JAKMIP1: variants seen among roughly 807,000 people sequenced by gnomAD.
The protein encoded by JAKMIP1 is janus kinase and microtubule interacting protein 1, also known as janus kinase and microtubule-interacting protein 1.
In JAKMIP1, 33 loss-of-function variants were observed where a neutral mutation model predicts 113.0. The observed-to-expected ratio is 0.29, with a 90% CI of 0.22 to 0.39. JAKMIP1 has a LOEUF of 0.39. Among genes scored for constraint, JAKMIP1 ranks in the 10% least tolerant of loss-of-function variants. The pLI is 1.00. For missense variants in JAKMIP1, 813 were observed against 1,080.5 expected (o/e 0.75, Z 3.47); for synonymous variants, 480 against 459.9 (o/e 1.04, Z -0.56).
intron 12 of JAKMIP1, 110 bp from the exon 13 acceptor site, chr4:6,054,258 G>A: frequency 9.5e-7 from 1 of 1,052,490 alleles, no homozygotes; most frequent in Non-Finnish European, 1.4e-6. Flanking sequence ...TGGCCACGGA[G>A]GCAAGGGGCA....
At chr4:6,045,050 C>A (rs978706505) in intron 16 of JAKMIP1, among the ~76,000 whole-genome samples, 1 of 152,266 alleles carries the variant, frequency 6.6e-6, no homozygotes, top group Admixed American at 6.5e-5. Context: ...CCTCCCAGGG[C>A]CCCTCAGGTG....
chr4:6,081,841 C>A lies in JAKMIP1; in HGVS notation c.955-86G>T. On this transcript the variant is annotated intron_variant, in intron 5 of 20. Transcript: ENST00000409021. The surrounding 1 kb of genome is among the most constrained non-coding windows in gnomAD (Gnocchi z 4.6). The stretch of plus-strand genomic sequence containing the variant: ...GCACCGAGGTGAGCAGAGACTCAAC[C>A]CAGTTAGGACCCCTTCTGAGGCCAG... The A allele has an allele frequency of 6.8e-7, 1 of 1,477,740 alleles. No individual in the cohort carries two copies. Among genetic ancestry groups the A allele is most frequent in the Non-Finnish European group, 9.3e-7 (1 of 1,073,960 alleles). 91.5% of individuals were successfully genotyped at this position (1,477,740 alleles called of 1,614,324 possible). A position where few individuals can be genotyped will look rare whatever the true frequency, so the allele number is the denominator to read the frequency against.
In JAKMIP1 at chr4:6,167,556, T is replaced by G. The variant is rs1456398512; in HGVS notation, c.-148+32697A>C. 2.6e-5 allele frequency among the ~76,000 whole-genome samples: 4 copies of G among 152,240 alleles called. No individual in the cohort carries two copies. The highest frequency in any genetic ancestry group is 5.9e-5 in the Non-Finnish European group (4 of 68,046). ...TTTGAAGGGCCCATGCTTAGTGCTC[T>G]TCTGATGCCATCTTGAAATTCTTAA... On this transcript the variant is annotated intron_variant, in intron 1 of 20. Coordinates refer to ENST00000409021, the MANE Select transcript of JAKMIP1 (RefSeq NM_001099433.2). The surrounding 1 kb of genome is among the most constrained non-coding windows in gnomAD (Gnocchi z 5.3).
rs1232375634 is a variant in JAKMIP1 at position 6,075,328 on chromosome 4, GGTA to G, written c.1302+3608_1302+3610del. Among the ~76,000 whole-genome samples, 20 of 152,218 alleles carry G rather than the reference GGTA, an allele frequency of 1.3e-4. No individual in the cohort carries two copies. In the East Asian group the frequency reaches 3.7e-3, roughly 28 times the overall value. On this transcript the variant is annotated intron_variant, in intron 8 of 20. Transcript: ENST00000409021. The stretch of plus-strand genomic sequence containing the variant: ...AGTGTACTGAATGCCTGTGGCCTGT[GGTA>G]GAGAAGAAAGAGAAGCTTCTTAGGC...
rs1170493382 is a variant in JAKMIP1, at chr4:6,140,807, G to A, written c.-147-27810C>T. The stretch of plus-strand genomic sequence containing the variant: ...GAAAGATGCAATTAAGTAGGCAATT[G>A]TAATAAAGAAAATTACTGACCTCAG... On this transcript the variant is annotated intron_variant, in intron 1 of 20. Coordinates refer to ENST00000409021, the MANE Select transcript of JAKMIP1 (RefSeq NM_001099433.2). This position sits in a 1 kb window ranked among gnomAD's most constrained non-coding sequence, Gnocchi z 9.4. Among the ~76,000 whole-genome samples, 1 of 152,182 alleles carries A rather than the reference G, an allele frequency of 6.6e-6. No homozygotes were observed. Among genetic ancestry groups the A allele is most frequent in the African/African-American group, 2.4e-5 (1 of 41,416 alleles).
chr4:6,027,611 T>A (rs1343500697), intron 20 of JAKMIP1, among the ~76,000 whole-genome samples: 3 of 152,198 alleles, frequency 2.0e-5, no homozygotes, highest in Non-Finnish European at 4.4e-5. Flanking sequence ...ACAGGCCTCG[T>A]CAGGCATCCA....
rs1720298081 is a variant in JAKMIP1 at position 6,142,463 on chromosome 4, A to T, written c.-147-29466T>A. Among the ~76,000 whole-genome samples the T allele has an allele frequency of 6.6e-6, 1 of 152,260 alleles. No homozygotes were observed. Among genetic ancestry groups the T allele is most frequent in the Admixed American group, 6.5e-5 (1 of 15,288 alleles). The stretch of plus-strand genomic sequence containing the variant: ...AAGTCTTACATGAACTTGTCACATG[A>T]GAGAAGTCCTACGTACACTCAGCAA... On this transcript the variant is annotated intron_variant, in intron 1 of 20. Coordinates refer to ENST00000409021, the MANE Select transcript of JAKMIP1 (RefSeq NM_001099433.2). This position sits in a 1 kb window ranked among gnomAD's most constrained non-coding sequence, Gnocchi z 5.5.
chr4:6,162,588 G>C lies in JAKMIP1; in HGVS notation c.-148+37665C>G, dbSNP rs1723104137. On this transcript the variant is annotated intron_variant, in intron 1 of 20. Coordinates refer to ENST00000409021, the MANE Select transcript of JAKMIP1 (RefSeq NM_001099433.2). The surrounding 1 kb of genome is among the most constrained non-coding windows in gnomAD (Gnocchi z 5.6). ...CTTGCACAAGGCAGTCATGTCAACA[G>C]GGCAAAGGCACCATCTCGTTCAACC... Among the ~76,000 whole-genome samples the C allele has an allele frequency of 6.6e-6, 1 of 152,210 alleles. No individual in the cohort carries two copies. Among genetic ancestry groups the C allele is most frequent in the Non-Finnish European group, 1.5e-5 (1 of 68,032 alleles).
chr4:6,149,857 T>C (rs1171786530), intron 1 of JAKMIP1, among the ~76,000 whole-genome samples: 1 of 152,078 alleles, frequency 6.6e-6, no homozygotes, highest in Non-Finnish European at 1.5e-5. Context: ...GTCAAGATCC[T>C]AGAAGGCTGC....
At chr4:6,055,879 CAG>C (rs1475717847) in intron 12 of JAKMIP1, among the ~76,000 whole-genome samples, 5 of 146,558 alleles carry the variant, frequency 3.4e-5, no homozygotes, top group South Asian at 2.2e-4. Flanking sequence ...CTTATTTCTG[CAG>C]AGTGTCCCCA....
intron 13 of JAKMIP1, chr4:6,053,833 A>G: frequency 7.3e-7 from 1 of 1,376,044 alleles, no homozygotes; most frequent in Non-Finnish European, 9.4e-7. Flanking sequence ...ACATGTCCAT[A>G]GACTTGGGTG....
At chr4:6,189,604 G>T (rs1259329455) in intron 1 of JAKMIP1, among the ~76,000 whole-genome samples, 3 of 152,332 alleles carry the variant, frequency 2.0e-5, no homozygotes, top group Admixed American at 6.5e-5. Context: ...GGGAGTCCCA[G>T]TGTGAATCAG....
In JAKMIP1 at chr4:6,040,609, C is replaced by T. The variant is rs908560865; in HGVS notation, c.2175+30G>A. ...AGCCTCTAATGTGGAGTCTAAGAAG[C>T]CAAAGTGTCAAACCCACTTCTGGTC... On this transcript the variant is annotated intron_variant, in intron 18 of 20. Transcript: ENST00000409021. This position sits in a 1 kb window ranked among gnomAD's most constrained non-coding sequence, Gnocchi z 5.8. The T allele has an allele frequency of 6.4e-7, 1 of 1,562,010 alleles. No homozygotes were observed. Among genetic ancestry groups the T allele is most frequent in the South Asian group, 1.1e-5 (1 of 89,218 alleles).
intron 1 of JAKMIP1, among the ~76,000 whole-genome samples, chr4:6,169,502 C>A (rs779577279): frequency 3.3e-5 from 5 of 152,002 alleles, no homozygotes; most frequent in Non-Finnish European, 5.9e-5. Flanking sequence ...ATGGCCCTGC[C>A]CACACCTTCA....
At chr4:6,103,960 TCA>T (rs905818632) in intron 3 of JAKMIP1, among the ~76,000 whole-genome samples, 2 of 152,240 alleles carry the variant, frequency 1.3e-5, no homozygotes, top group Admixed American at 1.3e-4. Flanking sequence ...TGATTTTATT[TCA>T]CTGCTTCTTG....
Position 6,080,183 on chromosome 4 carries a change from C to G in JAKMIP1, c.1231G>C (p.Asp411His). Residue 411 changes from aspartate (D) to histidine (H), a missense_variant, in exon 7 of 21, where the codon GAC (aspartate) becomes CAC (histidine). Asp to His is a moderately conservative substitution (Grantham distance 81). Around this residue, in one of 2 missense-constraint regions of JAKMIP1, gnomAD observed 540 missense variants for 653.9 expected, o/e 0.83. Transcript: ENST00000409021. The surrounding 1 kb of genome is among the most constrained non-coding windows in gnomAD (Gnocchi z 6.0). ...QVLEQQHVID[D>H]LSLERERLLR... ...TGTGCTAGATGTACCAGTGAGAGGT[C>G]GTCAATGACGTGCTGCTGCTCCAGC... 6.2e-7 allele frequency: 1 copy of G among 1,608,830 alleles called. No individual in the cohort carries two copies. Among genetic ancestry groups the G allele is most frequent in the Non-Finnish European group, 8.5e-7 (1 of 1,177,658 alleles).
rs763837167 is a variant in JAKMIP1 at position 6,112,792 on chromosome 4, T to G, written c.59A>C (p.Gln20Pro). The G allele has an allele frequency of 2.8e-5, 45 of 1,614,022 alleles. No homozygotes were observed. Among genetic ancestry groups the G allele is most frequent in the Non-Finnish European group, 3.6e-5 (42 of 1,180,054 alleles). Residue 20 changes from glutamine to proline, a missense_variant, in exon 2 of 21, where the codon CAG (glutamine) becomes CCG (proline). Around this residue, in one of 2 missense-constraint regions of JAKMIP1, gnomAD observed 540 missense variants for 653.9 expected, o/e 0.83. Transcript: ENST00000409021. Reference protein sequence around the residue: ...EKPEMETDAVQMANEELRAKL... With the variant: ...EKPEMETDAVPMANEELRAKL... ...GGCCCGCAGCTCCTCGTTGGCCATC[T>G]GCACCGCGTCCGTCTCCATCTCGGG...
rs575588418 is a variant in JAKMIP1, at chr4:6,042,717, C to T, written c.2029-490G>A. Reference sequence around the variant, plus strand: ...GGGTGCAGAATGGAGATTTGGAACCCAGCCTGCAGGATGCCAAAGCCACTG... The same window carrying T: ...GGGTGCAGAATGGAGATTTGGAACCTAGCCTGCAGGATGCCAAAGCCACTG... On this transcript the variant is annotated intron_variant, in intron 16 of 20. Coordinates refer to ENST00000409021, the MANE Select transcript of JAKMIP1 (RefSeq NM_001099433.2). The surrounding 1 kb of genome is among the most constrained non-coding windows in gnomAD (Gnocchi z 5.2). Among the ~76,000 whole-genome samples the T allele has an allele frequency of 2.6e-5, 4 of 152,140 alleles. No homozygotes were observed. Among genetic ancestry groups the T allele is most frequent in the African/African-American group, 9.6e-5 (4 of 41,508 alleles).
rs1553831987 is a variant in JAKMIP1, at chr4:6,098,670, G to GAA, written c.624+6802_624+6803insTT. 1.8e-3 allele frequency among the ~76,000 whole-genome samples: 177 copies of GAA among 100,438 alleles called. 1 individual carries two copies. Among genetic ancestry groups the GAA allele is most frequent in the African/African-American group, 8.1e-3 (162 of 19,984 alleles). 65.9% of individuals were successfully genotyped at this position (100,438 alleles called of 152,430 possible). On this transcript the variant is annotated intron_variant, in intron 3 of 20. Transcript: ENST00000409021. ...AAAGGAAAGGAAAGGAAGAAAGAGA[G>GAA]AGAAAGAAAGAAAGAAAGAAAGAAA...
Sources: allele counts gnomAD v4.1 joint callset (sites outside exome capture counted in the v4.1 genomes callset), GRCh38; gene constraint gnomAD v4.1.1; regional missense constraint gnomAD v4.1.1; non-coding constraint Gnocchi (gnomAD v3.1); transcripts MANE v1.5; gene names NCBI Gene and HGNC (gene_info 2026-07-23, HGNC 2026-07-21).